The following MYO18B variants were observed in gnomAD, a reference collection of about 807,000 sequenced individuals.
MYO18B encodes myosin XVIIIB.
In MYO18B, 204 loss-of-function variants were observed where a neutral mutation model predicts 273.0. The ratio of observed to expected loss-of-function variants is 0.75; its 90% CI spans 0.67 to 0.84. The LOEUF (loss-of-function observed/expected upper bound fraction) is 0.84, where lower values mean the gene tolerates loss of function less well. Ranked by LOEUF, MYO18B falls within the 40% of genes least tolerant of loss-of-function variation. The pLI is 0.00. For missense variants in MYO18B, 3,212 were observed against 3,287.6 expected, an observed-to-expected ratio of 0.98 and a Z score of 0.56; for synonymous variants, 1,330 against 1,305.7, an observed-to-expected ratio of 1.02 and a Z score of -0.40.
At position 25,910,929 on chromosome 22, in the gene MYO18B, T is replaced by C; in HGVS notation, c.5260-17T>C. The C allele has an allele frequency of 1.3e-6, 2 of 1,563,066 alleles. No homozygotes were observed. The highest frequency in any genetic ancestry group is 1.7e-6 in the Non-Finnish European group (2 of 1,150,188). On this transcript the variant is annotated splice_polypyrimidine_tract_variant and intron_variant, in intron 32 of 43. Transcript: ENST00000335473. ...AGTTCATTTACCCTGTGATGTTTCT[T>C]CCCTGTGTATCCACAGCTTCATCAG...
At chr22:25,956,918 G>T (rs1487764385) in intron 39 of MYO18B, among the ~76,000 whole-genome samples, 1 of 152,136 alleles carries the variant, frequency 6.6e-6, no homozygotes, top group African/African-American at 2.4e-5. Context: ...CATCAGCTTT[G>T]CCCTTGACAA....
intron 21 of MYO18B, among the ~76,000 whole-genome samples, chr22:25,855,515 C>T (rs980976634): frequency 3.9e-5 from 6 of 152,262 alleles, no homozygotes; most frequent in East Asian, 3.9e-4. Flanking sequence ...GATCTGACCT[C>T]GTGATCCGCC....
At chr22:26,054,306 C>G in the MYO18B span, among the ~76,000 whole-genome samples, 1 of 152,160 alleles carries the variant, frequency 6.6e-6, no homozygotes, top group African/African-American at 2.4e-5. Context: ...CTTACCAGAG[C>G]TCAATTAAAT....
intron 19 of MYO18B, among the ~76,000 whole-genome samples, chr22:25,846,932 T>G (rs925416283): frequency 2.0e-5 from 3 of 151,952 alleles, no homozygotes; most frequent in African/African-American, 7.2e-5. Flanking sequence ...ATACAAAAAA[T>G]TGGCTGGGCG....
chr22:25,814,595 G>C (rs186360617), intron 12 of MYO18B, among the ~76,000 whole-genome samples: 2 of 152,050 alleles, frequency 1.3e-5, no homozygotes, highest in African/African-American at 4.8e-5. Flanking sequence ...GTGCTCTCCA[G>C]GGTCCCTTTT....
Position 25,969,605 on chromosome 22 carries a change from GA to G in MYO18B, c.6156+14250del, listed in dbSNP as rs796863871. On this transcript the variant is annotated intron_variant, in intron 39 of 43. Transcript: ENST00000335473. ...GATATATACTACCTGGTCCTTTACAGAAAAAAAAATCACTTACCTTTGCCCT... is the reference window on the plus strand; with the variant it reads ...GATATATACTACCTGGTCCTTTACAGAAAAAAAATCACTTACCTTTGCCCT... 1.7e-3 allele frequency among the ~76,000 whole-genome samples: 255 copies of G among 151,332 alleles called. 1 individual carries two copies. The highest frequency in any genetic ancestry group is 5.8e-3 in the African/African-American group (239 of 41,256).
rs139706855 is a variant in MYO18B, at chr22:25,755,399, T to C, written c.-109-5585T>C. 4.8e-3 allele frequency among the ~76,000 whole-genome samples: 736 copies of C among 152,302 alleles called. 5 individuals carry two copies. Among genetic ancestry groups the C allele is most frequent in the East Asian group, 0.034 (177 of 5,172 alleles). On this transcript the variant is annotated intron_variant, in intron 1 of 43. Coordinates refer to ENST00000335473, the MANE Select transcript of MYO18B (RefSeq NM_032608.7). ...TTTTGTATTTTTAGTAGAGACGAGC[T>C]TTCTCCATGTTGGTCAGTCTGGTCT...
At chr22:25,866,565 G>A (rs1297773592) in intron 21 of MYO18B, among the ~76,000 whole-genome samples, 1 of 152,056 alleles carries the variant, frequency 6.6e-6, no homozygotes, top group Non-Finnish European at 1.5e-5. Flanking sequence ...TATAGGCTGG[G>A]CACAGTGGCT....
At chr22:25,890,996 G>T in intron 26 of MYO18B, 121 bp downstream of exon 26, 2 of 1,399,730 alleles carry the variant, frequency 1.4e-6, no homozygotes, top group East Asian at 2.5e-5. Context: ...TTGACTGACT[G>T]CTGGGCTCAA....
At chr22:25,886,379 G>A (rs985552545) in intron 25 of MYO18B, among the ~76,000 whole-genome samples, 6 of 152,192 alleles carry the variant, frequency 3.9e-5, no homozygotes, top group Non-Finnish European at 8.8e-5. Context: ...GGCAGCTCTG[G>A]GGGCAGTACC....
chr22:25,756,230 T>C (rs2086117336), intron 1 of MYO18B: 1 of 152,264 alleles, frequency 6.6e-6, no homozygotes, highest in South Asian at 2.1e-4. Flanking sequence ...GCCCTAGATA[T>C]TCCTTTATAG....
At chr22:25,797,416 G>C (rs1459172271) in intron 11 of MYO18B, among the ~76,000 whole-genome samples, 1 of 152,020 alleles carries the variant, frequency 6.6e-6, no homozygotes, top group African/African-American at 2.4e-5. Context: ...GGCTGTCTTG[G>C]GTGGGATTAA....
At chr22:26,057,733 G>T in the MYO18B span, among the ~76,000 whole-genome samples, 1 of 152,200 alleles carries the variant, frequency 6.6e-6, no homozygotes, top group East Asian at 1.9e-4. Flanking sequence ...TAATAGTTAA[G>T]ATAATGGAGA....
chr22:25,957,996 C>G (rs1386036280), intron 39 of MYO18B, among the ~76,000 whole-genome samples: 1 of 149,466 alleles, frequency 6.7e-6, no homozygotes, highest in African/African-American at 2.5e-5. Context: ...CTCACTGCAA[C>G]CTCTGCCTCC....
chr22:25,918,512 A>T (rs1233023118), intron 33 of MYO18B, among the ~76,000 whole-genome samples: 2 of 152,206 alleles, frequency 1.3e-5, no homozygotes, highest in Non-Finnish European at 2.9e-5. Flanking sequence ...CTAATGAGTG[A>T]TATTTTTTGC....
the MYO18B span, among the ~76,000 whole-genome samples, chr22:26,051,067 A>G: frequency 4.6e-5 from 7 of 152,336 alleles, no homozygotes; most frequent in East Asian, 1.9e-4. Flanking sequence ...CGCGTGTTAC[A>G]TATTTAATAC....
the MYO18B span, among the ~76,000 whole-genome samples, chr22:26,037,167 C>T: frequency 6.6e-6 from 1 of 152,170 alleles, no homozygotes; most frequent in South Asian, 2.1e-4. Flanking sequence ...ATCTGGGAGG[C>T]AACGGGGACC....
chr22:25,948,517 C>CT (rs2092752313), intron 36 of MYO18B, among the ~76,000 whole-genome samples: 4 of 5,478 alleles, frequency 7.3e-4, no homozygotes, highest in Admixed American at 1.7e-3. Flanking sequence ...TTTCTCTTTC[C>CT]TTCTTTCTTT....
chr22:26,044,098 C>T, the MYO18B span, among the ~76,000 whole-genome samples: 1 of 152,154 alleles, frequency 6.6e-6, no homozygotes, highest in Non-Finnish European at 1.5e-5. Flanking sequence ...TGAGGTTGAA[C>T]CCATTTTCAA....
Sources: allele counts gnomAD v4.1 joint callset (sites outside exome capture counted in the v4.1 genomes callset), GRCh38; gene constraint gnomAD v4.1.1; transcripts MANE v1.5; gene names NCBI Gene and HGNC (gene_info 2026-07-23, HGNC 2026-07-21).